Variants in FNDC3A observed in about 807,000 individuals in gnomAD.
FNDC3A encodes the protein fibronectin type-III domain-containing protein 3A.
Under a neutral mutation model 148.9 loss-of-function variants are expected in FNDC3A, and 32 were observed. The observed-to-expected ratio is 0.21, with a 90% CI of 0.16 to 0.29. FNDC3A has a LOEUF of 0.29. Among genes scored for constraint, FNDC3A ranks in the 10% least tolerant of loss-of-function variants. The pLI is 1.00. For missense variants in FNDC3A, 1,191 were observed against 1,452.8 expected (o/e 0.82, Z 2.93); for synonymous variants, 472 against 473.6 (o/e 1.00, Z 0.04).
In FNDC3A at chr13:49,207,661, C is replaced by T; in HGVS notation, c.*266C>T. On this transcript the variant is annotated 3_prime_UTR_variant, in exon 26 of 26. Coordinates refer to ENST00000492622, the MANE Select transcript of FNDC3A (RefSeq NM_001079673.2). Reference sequence around the variant, plus strand: ...TCTCTCTTTTTTTAACAAATGCCTTCTTATAGAAAAACTTTCTAAGAGGCA... The same window carrying T: ...TCTCTCTTTTTTTAACAAATGCCTTTTTATAGAAAAACTTTCTAAGAGGCA... 1 of 318,558 alleles carries T rather than the reference C, an allele frequency of 3.1e-6. No homozygotes were observed. Among genetic ancestry groups the T allele is most frequent in the Non-Finnish European group, 5.8e-6 (1 of 173,178 alleles). 19.7% of individuals were successfully genotyped at this position (318,558 alleles called of 1,614,324 possible).
At chr13:49,193,005 G>T (rs1437705632) in intron 19 of FNDC3A, among the ~76,000 whole-genome samples, 5 of 151,916 alleles carry the variant, frequency 3.3e-5, no homozygotes, top group African/African-American at 1.2e-4. Flanking sequence ...TTCAAAAAAG[G>T]GGGGCAAAAA....
At chr13:49,101,007 G>A (rs963638129) in intron 3 of FNDC3A, among the ~76,000 whole-genome samples, 3 of 152,120 alleles carry the variant, frequency 2.0e-5, no homozygotes, top group Non-Finnish European at 4.4e-5. Context: ...AGAAATCAGC[G>A]ACTATCTGGT....
At chr13:49,204,566 T>G (rs890663392) in intron 25 of FNDC3A, among the ~76,000 whole-genome samples, 1 of 152,216 alleles carries the variant, frequency 6.6e-6, no homozygotes, top group East Asian at 1.9e-4. Context: ...TAATTAGATT[T>G]GAAATGTAAT....
intron 3 of FNDC3A, among the ~76,000 whole-genome samples, chr13:49,093,932 C>T (rs1172362073): frequency 1.3e-5 from 2 of 152,132 alleles, no homozygotes; most frequent in Non-Finnish European, 1.5e-5. Context: ...AGTTTTTCCT[C>T]AGAGCATTGA....
chr13:49,175,120 T>C (rs960171559), intron 12 of FNDC3A, among the ~76,000 whole-genome samples: 1 of 152,182 alleles, frequency 6.6e-6, no homozygotes, highest in African/African-American at 2.4e-5. Flanking sequence ...TATTTTTTCA[T>C]TGACTCGATA....
chr13:49,092,165 G>C (rs990899969), intron 3 of FNDC3A, among the ~76,000 whole-genome samples: 3 of 152,244 alleles, frequency 2.0e-5, no homozygotes, highest in Non-Finnish European at 4.4e-5. Flanking sequence ...TATGCCCCAA[G>C]TGACAGAGCA....
rs1195931966 is a variant in FNDC3A, at chr13:49,172,023, T to C, written c.1177-20T>C. On this transcript the variant is annotated intron_variant, in intron 10 of 25. Transcript: ENST00000492622. The stretch of plus-strand genomic sequence containing the variant: ...AATGTACTAATTTGTTTTCATTTTG[T>C]TTTTTGGTGTTGGTTTTAGGCACCT... 1 of 1,582,986 alleles carries C rather than the reference T, an allele frequency of 6.3e-7. No homozygotes were observed. Among genetic ancestry groups the C allele is most frequent in the Middle Eastern group, 1.7e-4 (1 of 5,954 alleles).
At chr13:49,068,796 C>T (rs926588704) in intron 2 of FNDC3A, among the ~76,000 whole-genome samples, 6 of 152,074 alleles carry the variant, frequency 3.9e-5, no homozygotes, top group East Asian at 3.9e-4. Context: ...AGCAAACTAA[C>T]GCAGGAACAG....
intron 2 of FNDC3A, among the ~76,000 whole-genome samples, chr13:49,053,068 C>T (rs1875963826): frequency 6.6e-6 from 1 of 152,200 alleles, no homozygotes; most frequent in South Asian, 2.1e-4. Flanking sequence ...AGTCTCATTC[C>T]AACTGTAACT....
intron 7 of FNDC3A, among the ~76,000 whole-genome samples, chr13:49,143,811 G>A (rs548909572): frequency 4.6e-5 from 7 of 152,058 alleles, no homozygotes; most frequent in South Asian, 2.1e-4. Context: ...TTTCTCTACT[G>A]TCTGTACTCC....
chr13:49,083,849 C>T (rs1226723721), intron 3 of FNDC3A, among the ~76,000 whole-genome samples: 1 of 152,138 alleles, frequency 6.6e-6, no homozygotes, highest in African/African-American at 2.4e-5. Flanking sequence ...AAAGTAATTC[C>T]AGCATAGAAA....
At chr13:49,054,253 G>A (rs1876063246) in intron 2 of FNDC3A, among the ~76,000 whole-genome samples, 1 of 152,104 alleles carries the variant, frequency 6.6e-6, no homozygotes, top group African/African-American at 2.4e-5. Context: ...GTCTAAGAAA[G>A]TTTTGACATT....
At chr13:49,024,761 A>C (rs1160727494) in intron 2 of FNDC3A, among the ~76,000 whole-genome samples, 1 of 152,014 alleles carries the variant, frequency 6.6e-6, no homozygotes, top group African/African-American at 2.4e-5. Context: ...ATATATGACA[A>C]ACCCACAACT....
At chr13:49,077,624 G>A (rs1878204593) in intron 3 of FNDC3A, among the ~76,000 whole-genome samples, 1 of 152,186 alleles carries the variant, frequency 6.6e-6, no homozygotes. Context: ...ACCAGGGCCT[G>A]CGACAGGCCC....
rs1344244008 is a variant in FNDC3A, at chr13:49,188,651, A to T, written c.1944+18A>T. The T allele has an allele frequency of 1.3e-6, 2 of 1,527,760 alleles. No individual in the cohort carries two copies. Among genetic ancestry groups the T allele is most frequent in the African/African-American group, 1.4e-5 (1 of 73,250 alleles). 94.6% of individuals were successfully genotyped at this position (1,527,760 alleles called of 1,614,324 possible). A position where few individuals can be genotyped will look rare whatever the true frequency, so the allele number is the denominator to read the frequency against. On this transcript the variant is annotated intron_variant, in intron 17 of 25. Transcript: ENST00000492622. ...AGAGTGCGGTAATACTTATATGTAG[A>T]TTCTTTTGTGTTGTTATTAAGTTTG...
At chr13:49,085,513 C>G (rs1253344614) in intron 3 of FNDC3A, among the ~76,000 whole-genome samples, 2 of 152,176 alleles carry the variant, frequency 1.3e-5, no homozygotes, top group African/African-American at 2.4e-5. Flanking sequence ...AGCCTCATGA[C>G]TCTTGATACT....
intron 2 of FNDC3A, among the ~76,000 whole-genome samples, chr13:49,015,252 G>T (rs1456894815): frequency 2.0e-5 from 3 of 152,122 alleles, no homozygotes; most frequent in Non-Finnish European, 4.4e-5. Flanking sequence ...TCTTCCATTT[G>T]TTTGTATCCT....
At chr13:49,049,089 A>C (rs576523420) in intron 2 of FNDC3A, among the ~76,000 whole-genome samples, 1 of 152,024 alleles carries the variant, frequency 6.6e-6, no homozygotes, top group South Asian at 2.1e-4. Flanking sequence ...TTTGTTTTTA[A>C]TTTTATGTGG....
intron 8 of FNDC3A, among the ~76,000 whole-genome samples, chr13:49,163,821 G>A (rs889791045): frequency 4.6e-5 from 7 of 152,202 alleles, no homozygotes; most frequent in South Asian, 2.1e-4. Context: ...CTATTGACAC[G>A]TGAGAGTGTA....
Sources: allele counts gnomAD v4.1 joint callset (sites outside exome capture counted in the v4.1 genomes callset), GRCh38; gene constraint gnomAD v4.1.1; transcripts MANE v1.5; gene names NCBI Gene and HGNC (gene_info 2026-07-23, HGNC 2026-07-21).